The following PEAK1 variants were observed in gnomAD, a reference collection of about 807,000 sequenced individuals.
PEAK1 encodes the protein pseudopodium enriched atypical kinase 1.
A neutral mutation model predicts 124.7 loss-of-function variants in PEAK1; 54 were observed. That is an observed-to-expected ratio of 0.43 (90% confidence interval 0.35 to 0.54). The LOEUF (loss-of-function observed/expected upper bound fraction) is 0.54. Among genes scored for constraint, PEAK1 ranks in the 20% least tolerant of loss-of-function variants. The probability of loss-of-function intolerance (pLI) is 0.01; values close to 1 mark genes in which losing one functional copy is unlikely to be tolerated. For synonymous variants in PEAK1, 719 were observed against 760.0 expected (o/e 0.95, Z 0.89); for missense variants, 2,046 against 2,134.5 (o/e 0.96, Z 0.82).
At position 77,230,205 on chromosome 15, in the gene PEAK1, C is replaced by CT. The variant is rs35142497; in HGVS notation, c.-115+22161dup. On this transcript the variant is annotated intron_variant, in intron 6 of 9. Coordinates refer to ENST00000682557, the MANE Select transcript of PEAK1 (RefSeq NM_001385026.1). The stretch of plus-strand genomic sequence containing the variant: ...GCAAGTGACAGCATTTGAGATAAGT[C>CT]TTTTTTTTTTTTGACACGGAGTCTT... Among the ~76,000 whole-genome samples the CT allele has an allele frequency of 1.3e-4, 19 of 148,108 alleles. No homozygotes were observed. The East Asian group carries it at 1.4e-3, about 11-fold the overall frequency.
chr15:77,228,343 C>T (rs998882504), intron 6 of PEAK1, among the ~76,000 whole-genome samples: 1 of 152,084 alleles, frequency 6.6e-6, no homozygotes, highest in Non-Finnish European at 1.5e-5. Flanking sequence ...GGCTAGCAGG[C>T]CTGTTCTGGG....
At chr15:77,226,053 ATATATATATATATATATAT>A (rs1474322641) in intron 6 of PEAK1, among the ~76,000 whole-genome samples, 15 of 84,910 alleles carry the variant, frequency 1.8e-4, no homozygotes, top group Admixed American at 1.7e-3. Flanking sequence ...GGATATATAT[ATATATATATATATATATAT>A]ATATATATAT....
At chr15:77,142,456 T>C (rs2053862389) in intron 8 of PEAK1, among the ~76,000 whole-genome samples, 1 of 152,248 alleles carries the variant, frequency 6.6e-6, no homozygotes, top group Non-Finnish European at 1.5e-5. Flanking sequence ...TTTCGACTCC[T>C]GGGTATATAC....
intron 9 of PEAK1, among the ~76,000 whole-genome samples, chr15:77,121,222 C>A (rs2051887984): frequency 6.6e-6 from 1 of 152,090 alleles, no homozygotes; most frequent in Admixed American, 6.5e-5. Flanking sequence ...CAACCCTTGT[C>A]CCCTTTCCTC....
intron 8 of PEAK1, among the ~76,000 whole-genome samples, chr15:77,138,940 T>G (rs79801250): frequency 1.3e-5 from 2 of 152,146 alleles, no homozygotes; most frequent in African/African-American, 4.8e-5. Context: ...CTTTTTTTTT[T>G]ATAAACTTTT....
At chr15:77,410,954 C>T (rs894560864) in intron 1 of PEAK1, among the ~76,000 whole-genome samples, 1 of 152,168 alleles carries the variant, frequency 6.6e-6, no homozygotes, top group Non-Finnish European at 1.5e-5. Flanking sequence ...ATACTACCAC[C>T]TCTTATCAGC....
intron 6 of PEAK1, among the ~76,000 whole-genome samples, chr15:77,234,918 G>GAA (rs2060053810): frequency 6.6e-6 from 1 of 152,152 alleles, no homozygotes; most frequent in South Asian, 2.1e-4. Flanking sequence ...ATCAAGGGGC[G>GAA]GTTTCCTCCA....
At chr15:77,404,894 CTCAA>C (rs2071679914) in intron 1 of PEAK1, 7 of 470,410 alleles carry the variant, frequency 1.5e-5, no homozygotes, top group South Asian at 9.2e-5. Context: ...CTGCTCTCTC[CTCAA>C]TCAGTCTCAG....
At chr15:77,352,250 G>A (rs1304348306) in intron 2 of PEAK1, 1 of 985,276 alleles carries the variant, frequency 1.0e-6, no homozygotes, top group Non-Finnish European at 1.2e-6. Flanking sequence ...GATCAAGGCA[G>A]TAGGATTTGG....
At chr15:77,208,030 C>T (rs936634061) in intron 6 of PEAK1, among the ~76,000 whole-genome samples, 2 of 152,072 alleles carry the variant, frequency 1.3e-5, no homozygotes, top group Admixed American at 1.3e-4. Flanking sequence ...GGCTTTTCCC[C>T]AAGACTTTCA....
chr15:77,350,417 A>G, intron 2 of PEAK1: 1 of 985,432 alleles, frequency 1.0e-6, no homozygotes, highest in Non-Finnish European at 1.2e-6. Context: ...TGAATAGGGA[A>G]CAGCCTGAAT....
chr15:77,188,247 C>T (rs1428044951), intron 6 of PEAK1, among the ~76,000 whole-genome samples: 1 of 152,142 alleles, frequency 6.6e-6, no homozygotes, highest in Non-Finnish European at 1.5e-5. Context: ...TTAATGAAAT[C>T]TCCAGAAGCC....
chr15:77,235,696 G>A (rs1555452101), intron 6 of PEAK1, among the ~76,000 whole-genome samples: 1 of 152,226 alleles, frequency 6.6e-6, no homozygotes, highest in Non-Finnish European at 1.5e-5. Flanking sequence ...AGACAATAGG[G>A]AAAATGTCTC....
At chr15:77,239,226 T>G (rs2060253474) in intron 6 of PEAK1, among the ~76,000 whole-genome samples, 1 of 152,200 alleles carries the variant, frequency 6.6e-6, no homozygotes, top group Non-Finnish European at 1.5e-5. Context: ...TACGTTCCCT[T>G]CTACTAAAAT....
At chr15:77,253,812 T>C (rs1352933739) in intron 5 of PEAK1, among the ~76,000 whole-genome samples, 1 of 152,160 alleles carries the variant, frequency 6.6e-6, no homozygotes, top group Non-Finnish European at 1.5e-5. Flanking sequence ...AGATTTTCTC[T>C]TTATCTTTGA....
intron 1 of PEAK1, among the ~76,000 whole-genome samples, chr15:77,368,083 T>A (rs899747198): frequency 6.6e-6 from 1 of 152,206 alleles, no homozygotes; most frequent in Non-Finnish European, 1.5e-5. Flanking sequence ...TAAGCTTAAA[T>A]TTTCTACAGT....
At chr15:77,154,909 G>T (rs1284730572) in intron 8 of PEAK1, among the ~76,000 whole-genome samples, 2 of 152,046 alleles carry the variant, frequency 1.3e-5, no homozygotes, top group Non-Finnish European at 2.9e-5. Flanking sequence ...CTCTCTGGCT[G>T]CCCTTAACAT....
intron 2 of PEAK1, among the ~76,000 whole-genome samples, chr15:77,325,149 T>G (rs2065485783): frequency 2.0e-5 from 3 of 152,324 alleles, no homozygotes; most frequent in Admixed American, 1.3e-4. Flanking sequence ...CTGGGTGTGG[T>G]GGCTCATGCC....
intron 6 of PEAK1, among the ~76,000 whole-genome samples, chr15:77,224,127 G>A (rs930744268): frequency 2.6e-5 from 4 of 151,262 alleles, no homozygotes; most frequent in African/African-American, 9.7e-5. Flanking sequence ...TACAAAATAA[G>A]TAGTAGTTTT....
Sources: allele counts gnomAD v4.1 joint callset (sites outside exome capture counted in the v4.1 genomes callset), GRCh38; gene constraint gnomAD v4.1.1; transcripts MANE v1.5; gene names NCBI Gene and HGNC (gene_info 2026-07-23, HGNC 2026-07-21).